The following ZDHHC11 variants were observed in gnomAD, a reference collection of about 807,000 sequenced individuals.
ZDHHC11 encodes the protein palmitoyltransferase ZDHHC11.
A neutral mutation model predicts 51.3 loss-of-function variants in ZDHHC11; 44 were observed. That is an observed-to-expected ratio of 0.86 (90% CI 0.67 to 1.10). The LOEUF (loss-of-function observed/expected upper bound fraction) is 1.10. Among genes scored for constraint, ZDHHC11 ranks in the 50% least tolerant of loss-of-function variants. The pLI is 0.00. For synonymous variants in ZDHHC11, 163 were observed against 222.0 expected, an observed-to-expected ratio of 0.73 and a Z score of 2.36; for missense variants, 400 against 537.7, an observed-to-expected ratio of 0.74 and a Z score of 2.53.
At chr5:833,967 C>T (rs1285678907) in intron 6 of ZDHHC11, among the ~76,000 whole-genome samples, 160 bp from the exon 7 acceptor site, 6 of 152,190 alleles carry the variant, frequency 3.9e-5, no homozygotes, top group African/African-American at 7.2e-5. Context: ...TACGTGTGCA[C>T]GTGTTTTCAT....
Position 850,756 on chromosome 5 carries a change from A to C in ZDHHC11, c.-154T>G, listed in dbSNP as rs912857509. 13 of 913,932 alleles carry C rather than the reference A, an allele frequency of 1.4e-5. No individual in the cohort carries two copies. In the African/African-American group the frequency reaches 1.7e-4, roughly 12 times the overall value. The allele number at this position is 913,932 out of a possible 1,614,324, so 56.6% of individuals were successfully genotyped here. A position where few individuals can be genotyped will look rare whatever the true frequency, so the allele number is the denominator to read the frequency against. On this transcript the variant is annotated 5_prime_UTR_variant, in exon 1 of 13. Coordinates refer to ENST00000283441, the MANE Select transcript of ZDHHC11 (RefSeq NM_024786.3). ...CACTGCCTGGGGCCACGTTCCCCGC[A>C]GAGGGAGCAGGGGCTGGGCTGGAGT... is the stretch of plus-strand genomic sequence containing the variant.
rs572821700 is a variant in ZDHHC11 at position 806,206 on chromosome 5, T to G, written c.1182-5042A>C. Among the ~76,000 whole-genome samples the G allele has an allele frequency of 4.9e-3, 734 of 150,968 alleles. 11 individuals carry two copies. Among genetic ancestry groups the G allele is most frequent in the African/African-American group, 0.017 (712 of 40,962 alleles). ...AAATTAGTGCAGGGATAGACAAAAC[T>G]GATGAGTGGAATTGACTAGACAGCC... On this transcript the variant is annotated intron_variant, in intron 11 of 12. Transcript: ENST00000283441.
chr5:829,248 A>G (rs1177444029), intron 7 of ZDHHC11, among the ~76,000 whole-genome samples: 1 of 151,338 alleles, frequency 6.6e-6, no homozygotes, highest in African/African-American at 2.4e-5. Context: ...TTGATTGACC[A>G]TTAGCAACAT....
chr5:829,190 C>A (rs925556099), intron 7 of ZDHHC11, among the ~76,000 whole-genome samples: 13 of 149,000 alleles, frequency 8.7e-5, no homozygotes, highest in South Asian at 2.1e-4. Flanking sequence ...AACAAAAAAA[C>A]CACAAAAGAT....
Position 796,566 on chromosome 5 carries a change from G to C in ZDHHC11, c.*22C>G, listed in dbSNP as rs1251082116. 5 of 149,696 alleles carry C rather than the reference G, an allele frequency of 3.3e-5. No homozygotes were observed. The highest frequency in any genetic ancestry group is 1.5e-5 in the Non-Finnish European group (1 of 67,354). 9.3% of individuals were successfully genotyped at this position (149,696 alleles called of 1,614,324 possible). A position where few individuals can be genotyped will look rare whatever the true frequency, so the allele number is the denominator to read the frequency against. ...TTCAGGGTAGAAGACCTGGATCACA[G>C]GGGCACCTGAGCTCCTGCAGGACAA... On this transcript the variant is annotated 3_prime_UTR_variant, in exon 13 of 13. Coordinates refer to ENST00000283441, the MANE Select transcript of ZDHHC11 (RefSeq NM_024786.3).
chr5:816,813 A>C (rs1740858976), intron 10 of ZDHHC11: 1 of 476,170 alleles, frequency 2.1e-6, no homozygotes, highest in South Asian at 1.8e-5. Flanking sequence ...CCAGTCTTAA[A>C]AGGTTTGATG....
chr5:860,353 G>A (rs1238323656), upstream of ZDHHC11, among the ~76,000 whole-genome samples: 1 of 152,148 alleles, frequency 6.6e-6, no homozygotes, highest in Non-Finnish European at 1.5e-5. The surrounding 1 kb of genome is among the most constrained non-coding windows in gnomAD (Gnocchi z 4.2). Context: ...TCTTCCAAAG[G>A]TTTTCTTGCC....
upstream of ZDHHC11, among the ~76,000 whole-genome samples, chr5:852,443 G>A (rs1334957769): frequency 1.3e-5 from 2 of 152,224 alleles, no homozygotes; most frequent in African/African-American, 4.8e-5. Flanking sequence ...AAGGATGATT[G>A]GAAAAAGTAA....
At chr5:799,697 G>T (rs908900959) in intron 12 of ZDHHC11, among the ~76,000 whole-genome samples, 1 of 151,416 alleles carries the variant, frequency 6.6e-6, no homozygotes, top group Admixed American at 6.6e-5. Context: ...GTAGACTCAG[G>T]CGCTGTTCTA....
chr5:808,602 C>T (rs1739622511), intron 11 of ZDHHC11, among the ~76,000 whole-genome samples: 1 of 148,996 alleles, frequency 6.7e-6, no homozygotes, highest in Non-Finnish European at 1.5e-5. Flanking sequence ...GTGGCACGAT[C>T]TTGGTTCACT....
At chr5:859,508 C>T (rs1321583105), upstream of ZDHHC11, among the ~76,000 whole-genome samples, 1 of 152,182 alleles carries the variant, frequency 6.6e-6, no homozygotes, top group Non-Finnish European at 1.5e-5. Flanking sequence ...AGGAAGACTG[C>T]GACCCCAGAG....
chr5:852,664 G>T (rs1157144002), upstream of ZDHHC11, among the ~76,000 whole-genome samples: 1 of 150,486 alleles, frequency 6.6e-6, no homozygotes, highest in Non-Finnish European at 1.5e-5. Context: ...AGACCCCACG[G>T]AGGACAGCGA....
At chr5:830,975 C>T (rs1372812307) in intron 7 of ZDHHC11, among the ~76,000 whole-genome samples, 1 of 151,464 alleles carries the variant, frequency 6.6e-6, no homozygotes, top group Non-Finnish European at 1.5e-5. Context: ...CAAACATCAG[C>T]TGAGGATGGA....
chr5:841,903 G>C (rs1469986013), intron 4 of ZDHHC11: 39 of 989,228 alleles, frequency 3.9e-5, no homozygotes, highest in Non-Finnish European at 4.4e-5. Flanking sequence ...TCTGGAACTG[G>C]TGGCCTCGGG....
At position 795,949 on chromosome 5, in the gene ZDHHC11, T is replaced by TACTGTATGCCCATTTCC. The variant is rs1737511455; in HGVS notation, c.*638_*639insGGAAATGGGCATACAGT. 1 of 135,916 alleles carries TACTGTATGCCCATTTCC rather than the reference T, an allele frequency of 7.4e-6. No individual in the cohort carries two copies. The highest frequency in any genetic ancestry group is 2.7e-5 in the African/African-American group (1 of 36,842). 8.4% of individuals were successfully genotyped at this position (135,916 alleles called of 1,614,324 possible). ...TCCCAGTACTGTGTGCTCCCATTTC[T>TACTGTATGCCCATTTCC]CAGTACTGTATGCCCATTTCCCAGT... On this transcript the variant is annotated 3_prime_UTR_variant, in exon 13 of 13. Transcript: ENST00000283441.
intron 11 of ZDHHC11, among the ~76,000 whole-genome samples, chr5:805,710 CATAG>C (rs1336069225): frequency 2.6e-5 from 4 of 151,026 alleles, no homozygotes; most frequent in African/African-American, 9.7e-5. Context: ...TATATATATA[CATAG>C]ATAGATATAT....
Position 814,798 on chromosome 5 carries a change from G to GT in ZDHHC11, c.1147-4dup, listed in dbSNP as rs774348272. 2 of 1,535,824 alleles carry GT rather than the reference G, an allele frequency of 1.3e-6. No homozygotes were observed. The highest frequency in any genetic ancestry group is 2.4e-5 in the East Asian group (1 of 41,782). On this transcript the variant is annotated splice_polypyrimidine_tract_variant and splice_region_variant and intron_variant, in intron 10 of 12. Transcript: ENST00000283441. The stretch of plus-strand genomic sequence containing the variant: ...ATACTCGGGGCATCATCTGCTTCCT[G>GT]TGGGGGGAAGGGATGCAAAATTCAT...
At position 813,876 on chromosome 5, in the gene ZDHHC11, AGT is replaced by A. The variant is rs4045369; in HGVS notation, c.1181+883_1181+884del. On this transcript the variant is annotated intron_variant, in intron 11 of 12. Transcript: ENST00000283441. ...GTGTGAGAGAGTGTGACTGTGTGCG[AGT>A]GTGTGTGTGTGCACGTGCCTGTGTC... Among the ~76,000 whole-genome samples, 59 of 142,598 alleles carry A rather than the reference AGT, an allele frequency of 4.1e-4. 1 individual carries two copies. The highest frequency in any genetic ancestry group is 1.2e-3 in the African/African-American group (44 of 38,222). 93.5% of individuals were successfully genotyped at this position (142,598 alleles called of 152,430 possible).
At chr5:839,485 C>A (rs1744419015) in intron 5 of ZDHHC11, 1 of 148,114 alleles carries the variant, frequency 6.8e-6, no homozygotes, top group African/African-American at 2.5e-5. Flanking sequence ...ATTTTCATTG[C>A]ACTTTCATTA....
Sources: gnomAD v4.1 joint callset for allele counts (sites outside exome capture counted in the v4.1 genomes callset) on GRCh38, gnomAD v4.1.1 for gene constraint, Gnocchi (gnomAD v3.1) non-coding constraint, MANE v1.5 for transcripts, NCBI Gene and HGNC (gene_info 2026-07-23, HGNC 2026-07-21) for gene names.